Variants in TMCC1 observed in about 807,000 individuals in gnomAD.
TMCC1 encodes the protein transmembrane and coiled-coil domain family 1, also known as transmembrane and coiled-coil domains protein 1.
In TMCC1, 15 loss-of-function variants were observed where a neutral mutation model predicts 52.4. The observed-to-expected ratio is 0.29, with a 90% CI of 0.19 to 0.44. The LOEUF is 0.44. Among genes scored for constraint, TMCC1 ranks in the 20% least tolerant of loss-of-function variants. The pLI, the probability that TMCC1 is intolerant of heterozygous loss-of-function variation, is 1.00. For missense variants in TMCC1, 503 were observed against 806.0 expected, an observed-to-expected ratio of 0.62 and a Z score of 4.55; for synonymous variants, 279 against 301.9, an observed-to-expected ratio of 0.92 and a Z score of 0.79.
At chr3:129,810,076 G>C (rs1001431031) in intron 4 of TMCC1, among the ~76,000 whole-genome samples, 3 of 152,168 alleles carry the variant, frequency 2.0e-5, no homozygotes, top group African/African-American at 7.2e-5. Flanking sequence ...CAAAAATCAG[G>C]CTGGATGCGG....
At chr3:129,738,703 G>T (rs2051195616) in intron 4 of TMCC1, among the ~76,000 whole-genome samples, 1 of 152,116 alleles carries the variant, frequency 6.6e-6, no homozygotes, top group Admixed American at 6.5e-5. Flanking sequence ...TGGTTTCATT[G>T]TAATTTTTTT....
At chr3:129,671,324 A>G (rs2087924469) in intron 4 of TMCC1, 60 bp from the exon 5 acceptor site, 3 of 1,473,030 alleles carry the variant, frequency 2.0e-6, no homozygotes, top group African/African-American at 1.4e-5. Flanking sequence ...TTCAAAATCA[A>G]TGGGCCAAAA....
At chr3:129,668,717 C>T (rs996550307) in intron 5 of TMCC1, among the ~76,000 whole-genome samples, 3 of 152,340 alleles carry the variant, frequency 2.0e-5, no homozygotes, top group African/African-American at 4.8e-5. Context: ...CCTCTGCCTC[C>T]TGGGTTCAAG....
Position 129,812,004 on chromosome 3 carries a change from A to G in TMCC1, c.576+15799T>C, listed in dbSNP as rs141923997. On this transcript the variant is annotated intron_variant, in intron 4 of 6. Transcript: ENST00000393238. ...GTTTTGGTGATTCTTACTATTCAATACTCTTAGATTCATTAGTACAGAAGG... is the reference window on the plus strand; with the variant it reads ...GTTTTGGTGATTCTTACTATTCAATGCTCTTAGATTCATTAGTACAGAAGG... 7.4e-3 allele frequency among the ~76,000 whole-genome samples: 1,110 copies of G among 150,554 alleles called. 9 individuals carry two copies. The highest frequency in any genetic ancestry group is 0.025 in the African/African-American group (1,044 of 40,960).
At chr3:129,776,768 C>G (rs569047048) in intron 4 of TMCC1, among the ~76,000 whole-genome samples, 3 of 152,152 alleles carry the variant, frequency 2.0e-5, no homozygotes, top group African/African-American at 7.2e-5. Flanking sequence ...GCTGGGACTA[C>G]AGGTGTAGTA....
chr3:129,652,107 A>C (rs2086367082), intron 6 of TMCC1, among the ~76,000 whole-genome samples: 1 of 152,236 alleles, frequency 6.6e-6, no homozygotes, highest in Non-Finnish European at 1.5e-5. Context: ...TTGAAAATTA[A>C]TCTAAGTTGC....
intron 4 of TMCC1, among the ~76,000 whole-genome samples, chr3:129,808,596 C>T (rs1489167406): frequency 6.6e-6 from 1 of 150,942 alleles, no homozygotes; most frequent in Non-Finnish European, 1.5e-5. Flanking sequence ...AAAATTAAAG[C>T]AATTAACTCC....
At chr3:129,784,864 T>G (rs2055864169) in intron 4 of TMCC1, among the ~76,000 whole-genome samples, 1 of 151,920 alleles carries the variant, frequency 6.6e-6, no homozygotes, top group Non-Finnish European at 1.5e-5. Context: ...CTTGAGAGGC[T>G]GAGGGAGATC....
intron 1 of TMCC1, among the ~76,000 whole-genome samples, chr3:129,885,860 A>G (rs75895606): frequency 6.6e-6 from 1 of 150,568 alleles, no homozygotes; most frequent in Non-Finnish European, 1.5e-5. Flanking sequence ...CTCCTGCCTC[A>G]GCCTCCCGAG....
At chr3:129,764,412 A>G (rs905456845) in intron 4 of TMCC1, among the ~76,000 whole-genome samples, 4 of 152,222 alleles carry the variant, frequency 2.6e-5, no homozygotes, top group African/African-American at 7.2e-5. Flanking sequence ...ATACAAGGCC[A>G]TAACAATTTC....
chr3:129,670,648 A>G lies in TMCC1; in HGVS notation c.1193T>C (p.Val398Ala), dbSNP rs1464964088. ...TCCCAAAGCCTTCCCCGCATCATCC[A>G]CTTGCCCTTCCTCTAAAGAGTCCTT... ...NLKDSLEEGQVDDAGKALGVI... is the reference protein window; with the variant it reads ...NLKDSLEEGQADDAGKALGVI... Residue 398 changes from valine (V) to alanine (A), a missense_variant, in exon 5 of 7, where the codon GTG becomes GCG. Physicochemically the swap from Val to Ala is moderately conservative, Grantham distance 64. Around this residue, in one of 7 missense-constraint regions of TMCC1, gnomAD observed 38 missense variants for 29.8 expected, o/e 1.28. Transcript: ENST00000393238. The G allele has an allele frequency of 6.2e-7, 1 of 1,614,156 alleles. No individual in the cohort carries two copies. The highest frequency in any genetic ancestry group is 8.5e-7 in the Non-Finnish European group (1 of 1,180,026).
intron 2 of TMCC1, among the ~76,000 whole-genome samples, chr3:129,863,254 T>C (rs1317415085): frequency 6.6e-6 from 1 of 152,222 alleles, no homozygotes; most frequent in Non-Finnish European, 1.5e-5. Context: ...CTGGAAATTA[T>C]ACCTCAATTT....
At chr3:129,757,938 T>C (rs368376867) in intron 4 of TMCC1, among the ~76,000 whole-genome samples, 2 of 152,254 alleles carry the variant, frequency 1.3e-5, no homozygotes, top group Admixed American at 6.5e-5. Context: ...TAAACTTTGA[T>C]GTATGTGAAC....
intron 4 of TMCC1, among the ~76,000 whole-genome samples, chr3:129,789,891 C>T (rs2056334556): frequency 6.6e-6 from 1 of 152,102 alleles, no homozygotes; most frequent in African/African-American, 2.4e-5. Context: ...TTTCCAACTG[C>T]TTTATAAGTC....
intron 4 of TMCC1, among the ~76,000 whole-genome samples, chr3:129,708,843 G>A (rs762777009): frequency 1.3e-5 from 2 of 152,010 alleles, no homozygotes; most frequent in African/African-American, 2.4e-5. Flanking sequence ...GCTGAAATCC[G>A]GCATACCCTA....
chr3:129,657,364 T>A (rs118100775), intron 5 of TMCC1, among the ~76,000 whole-genome samples: 1 of 152,252 alleles, frequency 6.6e-6, no homozygotes, highest in African/African-American at 2.4e-5. Context: ...GTGCCTACTA[T>A]GCAAATTCAT....
chr3:129,779,811 G>T (rs2055368687), intron 4 of TMCC1, among the ~76,000 whole-genome samples: 1 of 152,134 alleles, frequency 6.6e-6, no homozygotes, highest in Non-Finnish European at 1.5e-5. Context: ...AGTTTCAACA[G>T]ATCTAAAGAC....
At chr3:129,886,507 A>G (rs540850330) in intron 1 of TMCC1, among the ~76,000 whole-genome samples, 3 of 152,266 alleles carry the variant, frequency 2.0e-5, no homozygotes, top group Non-Finnish European at 4.4e-5. Flanking sequence ...ATTATTCAGA[A>G]CAGCCTACTG....
chr3:129,824,143 G>A (rs544729044), intron 4 of TMCC1, among the ~76,000 whole-genome samples: 5 of 152,130 alleles, frequency 3.3e-5, no homozygotes, highest in Admixed American at 1.3e-4. Context: ...TGAGACCAGC[G>A]TGGCCAAAAT....
Sources: allele counts gnomAD v4.1 joint callset (sites outside exome capture counted in the v4.1 genomes callset), GRCh38; gene constraint gnomAD v4.1.1; regional missense constraint gnomAD v4.1.1; transcripts MANE v1.5; gene names NCBI Gene and HGNC (gene_info 2026-07-23, HGNC 2026-07-21).